SEC23A: variants seen among roughly 807,000 people sequenced by gnomAD.
SEC23A encodes SEC23 homolog A, COPII component.
A neutral mutation model predicts 103.7 loss-of-function variants in SEC23A; 56 were observed. That is an observed-to-expected ratio of 0.54 (90% CI 0.44 to 0.67). The LOEUF (loss-of-function observed/expected upper bound fraction) is 0.67. SEC23A is among the 30% of genes least tolerant of loss of function. The probability of loss-of-function intolerance (pLI) is 0.00; values close to 1 mark genes in which losing one functional copy is unlikely to be tolerated. For synonymous variants in SEC23A, 281 were observed against 293.0 expected (o/e 0.96, Z 0.42); for missense variants, 784 against 936.4 (o/e 0.84, Z 2.12).
At chr14:39,094,323 T>C (rs1480516813) in intron 2 of SEC23A, among the ~76,000 whole-genome samples, 11 of 29,970 alleles carry the variant, frequency 3.7e-4, no homozygotes, top group East Asian at 1.2e-3. Context: ...TATATGCATA[T>C]ATACACATAT....
chr14:39,044,950 A>T (rs1304984055), intron 16 of SEC23A, among the ~76,000 whole-genome samples: 1 of 152,202 alleles, frequency 6.6e-6, no homozygotes, highest in African/African-American at 2.4e-5. Context: ...AAAAAAAAAA[A>T]TTTAACAATC....
intron 1 of SEC23A, among the ~76,000 whole-genome samples, chr14:39,102,421 C>T (rs1383044580): frequency 6.6e-6 from 1 of 152,158 alleles, no homozygotes; most frequent in Non-Finnish European, 1.5e-5. Flanking sequence ...AATTCCACAT[C>T]CCCACTTCAG....
In SEC23A at chr14:39,091,638, T is replaced by C. The variant is rs1334439936; in HGVS notation, c.442A>G (p.Lys148Glu). The C allele has an allele frequency of 1.2e-5, 19 of 1,614,060 alleles. No individual in the cohort carries two copies. Among genetic ancestry groups the C allele is most frequent in the Non-Finnish European group, 1.6e-5 (19 of 1,179,958 alleles). The part of the protein sequence containing the change: ...CMEDEDLQAL[K>E]ESMQMSLSLL... ...CTTAATGACATCTGCATGGATTCTT[T>C]CAGGGCTTGTAAATCTTCATCTTCC... The change falls in exon 5 of 20, where the codon AAA becomes GAA. Residue 148 changes from lysine (K) to glutamate (E), a missense_variant. Physicochemically the swap from Lys to Glu is moderately conservative, Grantham distance 56. This residue lies in a region of SEC23A where 683 missense variants were observed against 774.2 expected (regional missense o/e 0.88). Coordinates refer to ENST00000307712, the MANE Select transcript of SEC23A (RefSeq NM_006364.4).
chr14:39,085,499 G>A (rs756270022), intron 7 of SEC23A, among the ~76,000 whole-genome samples: 5 of 152,094 alleles, frequency 3.3e-5, no homozygotes, highest in South Asian at 2.1e-4. Flanking sequence ...CAATCTGTGA[G>A]ATGTGATGTT....
intron 16 of SEC23A, among the ~76,000 whole-genome samples, chr14:39,044,008 G>T (rs1885745466): frequency 6.6e-6 from 1 of 151,942 alleles, no homozygotes; most frequent in Non-Finnish European, 1.5e-5. Flanking sequence ...AGAAAGCGTG[G>T]GTCATGGTGG....
chr14:39,055,341 C>A (rs780198351), intron 13 of SEC23A, 45 bp from the exon 14 acceptor site: 1 of 1,583,460 alleles, frequency 6.3e-7, no homozygotes, highest in Non-Finnish European at 8.7e-7. Context: ...AATTATTATA[C>A]CCACAATATC....
At position 39,032,309 on chromosome 14, in the gene SEC23A, A is replaced by G. The variant is rs1885331222; in HGVS notation, c.*930T>C. On this transcript the variant is annotated 3_prime_UTR_variant, in exon 20 of 20. Coordinates refer to ENST00000307712, the MANE Select transcript of SEC23A (RefSeq NM_006364.4). ...ATAATACTGTTTCAATAAGAACCAC[A>G]ACTTAATACATTTCACAAAAAGGAA... The G allele has an allele frequency of 6.6e-6, 1 of 152,640 alleles. No individual in the cohort carries two copies. Among genetic ancestry groups the G allele is most frequent in the East Asian group, 1.9e-4 (1 of 5,206 alleles). 9.5% of individuals were successfully genotyped at this position (152,640 alleles called of 1,614,324 possible).
intron 9 of SEC23A, among the ~76,000 whole-genome samples, chr14:39,073,342 G>A (rs1222327278): frequency 6.6e-6 from 1 of 152,190 alleles, no homozygotes; most frequent in East Asian, 1.9e-4. Flanking sequence ...CCAGGCTGGA[G>A]TGCAGTGGCA....
chr14:39,077,227 CAAAA>C (rs57549556), intron 7 of SEC23A, among the ~76,000 whole-genome samples: 1 of 36,472 alleles, frequency 2.7e-5, no homozygotes, highest in Non-Finnish European at 4.5e-5. Context: ...GACTCCATCT[CAAAA>C]AAAAAAAAAA....
chr14:39,050,363 G>A (rs538805103), intron 14 of SEC23A, among the ~76,000 whole-genome samples: 15 of 152,288 alleles, frequency 9.8e-5, no homozygotes, highest in Non-Finnish European at 2.2e-4. Context: ...AGGACCCTAG[G>A]GGTCAATGCC....
At chr14:39,090,218 C>T (rs1220232498) in intron 5 of SEC23A, among the ~76,000 whole-genome samples, 2 of 152,146 alleles carry the variant, frequency 1.3e-5, no homozygotes, top group African/African-American at 2.4e-5. Flanking sequence ...CAACTTTATG[C>T]CAGGCTTATC....
intron 7 of SEC23A, among the ~76,000 whole-genome samples, chr14:39,081,185 C>T (rs1887213687): frequency 6.6e-6 from 1 of 150,790 alleles, no homozygotes; most frequent in Admixed American, 6.6e-5. Flanking sequence ...GCACTCCAGC[C>T]TGAGCAACAG....
chr14:39,095,517 C>G (rs938414265), intron 2 of SEC23A, among the ~76,000 whole-genome samples: 14 of 152,026 alleles, frequency 9.2e-5, no homozygotes, highest in African/African-American at 3.4e-4. Flanking sequence ...AGGCTGGTCT[C>G]GAACTCCTGA....
chr14:39,102,833 C>T, intron 1 of SEC23A, among the ~76,000 whole-genome samples, 199 bp downstream of exon 1: 1 of 152,216 alleles, frequency 6.6e-6, no homozygotes, highest in East Asian at 1.9e-4. Flanking sequence ...CTGGAGGAGG[C>T]CGGGCCCCCG....
chr14:39,095,666 T>C lies in SEC23A; in HGVS notation c.221+232A>G, dbSNP rs541588822. Reference sequence around the variant, plus strand: ...AGCACCACTATTCAGAAGACACTGATGGAATCTAACAGTTTTTATAGTGCC... The same window carrying C: ...AGCACCACTATTCAGAAGACACTGACGGAATCTAACAGTTTTTATAGTGCC... On this transcript the variant is annotated intron_variant, in intron 2 of 19. Coordinates refer to ENST00000307712, the MANE Select transcript of SEC23A (RefSeq NM_006364.4). Among the ~76,000 whole-genome samples the C allele has an allele frequency of 7.2e-5, 11 of 152,252 alleles. No homozygotes were observed. In the South Asian group the frequency reaches 1.7e-3, roughly 23 times the overall value.
chr14:39,045,033 G>T, intron 16 of SEC23A, 130 bp downstream of exon 16: 2 of 775,830 alleles, frequency 2.6e-6, no homozygotes, highest in Non-Finnish European at 4.4e-6. Context: ...ACATTAATAG[G>T]TTGAGATGTC....
chr14:39,095,755 C>G, intron 2 of SEC23A, 143 bp downstream of exon 2: 1 of 664,638 alleles, frequency 1.5e-6, no homozygotes, highest in Non-Finnish European at 2.6e-6. Flanking sequence ...TAAAATTTTA[C>G]AGCTCTCTGG....
chr14:39,066,141 C>G (rs1180492995), intron 10 of SEC23A, among the ~76,000 whole-genome samples: 1 of 149,878 alleles, frequency 6.7e-6, no homozygotes, highest in Non-Finnish European at 1.5e-5. Flanking sequence ...TTATGTCATT[C>G]TATTACATGC....
intron 14 of SEC23A, among the ~76,000 whole-genome samples, chr14:39,050,234 T>C (rs1422394760): frequency 2.0e-5 from 3 of 152,044 alleles, no homozygotes; most frequent in African/African-American, 7.2e-5. Flanking sequence ...TCAGAAGTAA[T>C]AAAACTGGGC....
Sources: gnomAD v4.1 joint callset for allele counts (sites outside exome capture counted in the v4.1 genomes callset) on GRCh38, gnomAD v4.1.1 for gene constraint, gnomAD v4.1.1 regional missense constraint, MANE v1.5 for transcripts, NCBI Gene and HGNC (gene_info 2026-07-23, HGNC 2026-07-21) for gene names.